Variants in ATIC observed in about 807,000 individuals in gnomAD.
ATIC encodes 5-aminoimidazole-4-carboxamide ribonucleotide formyltransferase/IMP cyclohydrolase.
ATIC carries 64 observed loss-of-function variants against 72.5 expected under a neutral mutation model. The ratio of observed to expected loss-of-function variants is 0.88; its 90% CI spans 0.72 to 1.09. The LOEUF (loss-of-function observed/expected upper bound fraction) is 1.09, where lower values mean the gene tolerates loss of function less well. ATIC is among the 50% of genes least tolerant of loss of function. The probability of loss-of-function intolerance (pLI) is 0.00; values close to 1 mark genes in which losing one functional copy is unlikely to be tolerated. For synonymous variants in ATIC, 281 were observed against 267.1 expected (o/e 1.05, Z -0.51); for missense variants, 787 against 732.4 (o/e 1.07, Z -0.86).
chr2:215,333,504 T>C (rs1031625273), intron 9 of ATIC, 47 bp downstream of exon 9: 1 of 1,462,884 alleles, frequency 6.8e-7, no homozygotes, highest in East Asian at 2.3e-5. Flanking sequence ...GAAAAAGCAA[T>C]ATTTTATCCT....
intron 3 of ATIC, among the ~76,000 whole-genome samples, chr2:215,318,717 A>G (rs2052735876): frequency 6.6e-6 from 1 of 152,204 alleles, no homozygotes; most frequent in Admixed American, 6.6e-5. Flanking sequence ...TTTGGTGAAT[A>G]AAGCTGAATG....
At position 215,349,199 on chromosome 2, in the gene ATIC, A is replaced by G. The variant is rs371098222; in HGVS notation, c.1609A>G (p.Ser537Gly). 1.2e-6 allele frequency: 2 copies of G among 1,614,110 alleles called. No homozygotes were observed. The highest frequency in any genetic ancestry group is 2.2e-5 in the East Asian group (1 of 44,890). The part of the protein sequence containing the change: ...WVEKLTEVSI[S>G]SDAFFPFRDN... ...TGAGAAACTGACTGAAGTTTCTATC[A>G]GCTCTGATGCCTTCTTCCCTTTCCG... The change falls in exon 15 of 16, where the codon AGC becomes GGC. Residue 537 changes from serine (S) to glycine (G), a missense_variant. Coordinates refer to ENST00000236959, the MANE Select transcript of ATIC (RefSeq NM_004044.7).
chr2:215,315,377 T>G (rs4673986), intron 2 of ATIC, among the ~76,000 whole-genome samples: 146,954 of 152,032 alleles, frequency 0.97, 71,232 homozygotes, highest in Middle Eastern at 1. Context: ...TATATTTTTT[T>G]AGAGGGTTTT....
In ATIC at chr2:215,315,588, A is replaced by C. The variant is rs75323436; in HGVS notation, c.147-2569A>C. 3.1e-3 allele frequency among the ~76,000 whole-genome samples: 479 copies of C among 152,250 alleles called. 2 individuals carry two copies. Among genetic ancestry groups the C allele is most frequent in the African/African-American group, 0.011 (446 of 41,544 alleles). ...TGTCTGGTCTTGAACTCTAGGGCTT[A>C]AGCAATTTTGCCTGCCTTGGCCTCC... On this transcript the variant is annotated intron_variant, in intron 2 of 15. Coordinates refer to ENST00000236959, the MANE Select transcript of ATIC (RefSeq NM_004044.7).
chr2:215,319,788 C>G, intron 4 of ATIC, 57 bp downstream of exon 4: 1 of 1,351,910 alleles, frequency 7.4e-7, no homozygotes, highest in Non-Finnish European at 1.1e-6. Flanking sequence ...AAGACTATGC[C>G]AAACCTGGTG....
At chr2:215,334,845 CAG>C (rs1251772822) in intron 9 of ATIC, 72 bp from the exon 10 acceptor site, 3 of 1,180,566 alleles carry the variant, frequency 2.5e-6, no homozygotes, top group South Asian at 2.5e-5. Context: ...TTTTATATGA[CAG>C]TGGAGAATTT....
At chr2:215,351,529 G>A, downstream of ATIC, among the ~76,000 whole-genome samples, 1 of 152,092 alleles carries the variant, frequency 6.6e-6, no homozygotes, top group Admixed American at 6.5e-5. Flanking sequence ...TGGGAGGATT[G>A]CTTGAGGCCA....
intron 3 of ATIC, 60 bp downstream of exon 3, chr2:215,318,293 G>C: frequency 6.9e-7 from 1 of 1,451,518 alleles, no homozygotes; most frequent in Non-Finnish European, 9.7e-7. Context: ...TATTTTAGTT[G>C]ATAGCGTCCT....
chr2:215,317,253 G>A (rs2052720341), intron 2 of ATIC, among the ~76,000 whole-genome samples: 1 of 151,886 alleles, frequency 6.6e-6, no homozygotes, highest in Non-Finnish European at 1.5e-5. Context: ...TTTTTCCCAT[G>A]TAAAACTTTT....
chr2:215,313,747 G>C (rs935595598), intron 2 of ATIC, among the ~76,000 whole-genome samples: 1 of 152,138 alleles, frequency 6.6e-6, no homozygotes. Context: ...AACAAGTTCA[G>C]ATGGTAAGAA....
intron 5 of ATIC, 117 bp from the exon 6 acceptor site, chr2:215,325,870 T>G: frequency 7.5e-7 from 1 of 1,326,018 alleles, no homozygotes; most frequent in South Asian, 1.3e-5. Context: ...CCAGCTTATT[T>G]TCCTGATTTT....
the ATIC span, chr2:215,365,070 T>C: frequency 1.2e-6 from 1 of 852,032 alleles, no homozygotes; most frequent in South Asian, 1.4e-5. Context: ...ATTTCTGTCC[T>C]AAATTTGTAT....
the ATIC span, chr2:215,364,970 T>A: frequency 6.3e-7 from 1 of 1,575,056 alleles, no homozygotes; most frequent in Non-Finnish European, 8.6e-7. Flanking sequence ...CCCATCATCA[T>A]AACACGTTGC....
chr2:215,364,527 A>G, the ATIC span: 2 of 353,094 alleles, frequency 5.7e-6, no homozygotes, highest in Middle Eastern at 9.1e-4. Flanking sequence ...CTGCTTCACT[A>G]TTTTTCAGTG....
At position 215,332,406 on chromosome 2, in the gene ATIC, T is replaced by C; in HGVS notation, c.713T>C (p.Ile238Thr). The C allele has an allele frequency of 1.2e-6, 2 of 1,614,164 alleles. No individual in the cohort carries two copies. Among genetic ancestry groups the C allele is most frequent in the Non-Finnish European group, 8.5e-7 (1 of 1,180,042 alleles). ...GTTCTAAATGGAGCCCCTGGATTTA[T>C]AAACTTGTGCGATGCTTTGAACGCC... Reference protein sequence around the residue: ...ITVLNGAPGFINLCDALNAWQ... With the variant: ...ITVLNGAPGFTNLCDALNAWQ... Residue 238 changes from isoleucine to threonine, a missense_variant, in exon 8 of 16, where the codon ATA becomes ACA. Transcript: ENST00000236959.
chr2:215,326,118 A>G lies in ATIC; in HGVS notation c.511A>G (p.Arg171Gly). ...SESKDTSLET[R>G]RQLALKAFTH... is the part of the protein sequence containing the mutation. Reference sequence around the variant, plus strand: ...GAGTAAGGACACCTCCTTGGAGACTAGACGCCAGTTAGCCTTGAAGGTGGG... The same window carrying G: ...GAGTAAGGACACCTCCTTGGAGACTGGACGCCAGTTAGCCTTGAAGGTGGG... The change falls in exon 6 of 16, where the codon AGA becomes GGA. Residue 171 changes from arginine (R) to glycine (G), a missense_variant. Arg to Gly is a moderately radical substitution (Grantham distance 125, BLOSUM62 -2). Transcript: ENST00000236959. 6.2e-7 allele frequency: 1 copy of G among 1,614,116 alleles called. No homozygotes were observed. The highest frequency in any genetic ancestry group is 1.1e-5 in the South Asian group (1 of 91,072).
chr2:215,356,523 T>G, the ATIC span, among the ~76,000 whole-genome samples: 2 of 152,240 alleles, frequency 1.3e-5, no homozygotes, highest in Non-Finnish European at 2.9e-5. Flanking sequence ...TTTCAGTATA[T>G]TCACACAATT....
intron 7 of ATIC, among the ~76,000 whole-genome samples, chr2:215,329,397 G>A (rs915033106): frequency 4.6e-5 from 7 of 152,116 alleles, no homozygotes; most frequent in Non-Finnish European, 7.3e-5. Context: ...TGGCAGAGGC[G>A]GCCCTGGACA....
chr2:215,318,106 A>C, intron 2 of ATIC, 51 bp from the exon 3 acceptor site: 1 of 1,508,000 alleles, frequency 6.6e-7, no homozygotes. Context: ...GAATAGTGAA[A>C]ATTACAATTC....
Sources: gnomAD v4.1 joint callset for allele counts (sites outside exome capture counted in the v4.1 genomes callset) on GRCh38, gnomAD v4.1.1 for gene constraint, MANE v1.5 for transcripts, NCBI Gene and HGNC (gene_info 2026-07-23, HGNC 2026-07-21) for gene names.